Variants in DNMT3A observed in about 807,000 individuals in gnomAD.
DNMT3A encodes DNA methyltransferase 3 alpha.
A neutral mutation model predicts 117.6 loss-of-function variants in DNMT3A; 267 were observed. The observed-to-expected ratio is 2.27, with a 90% CI of 2.05 to 2.51. The LOEUF (loss-of-function observed/expected upper bound fraction) is 2.51. DNMT3A is among the 30% of genes most tolerant of loss of function. The pLI is 0.00. For synonymous variants in DNMT3A, 432 were observed against 474.8 expected, an observed-to-expected ratio of 0.91 and a Z score of 1.17; for missense variants, 1,029 against 1,260.2, an observed-to-expected ratio of 0.82 and a Z score of 2.78.
chr2:25,301,443 A>G (rs1180833321), intron 2 of DNMT3A, among the ~76,000 whole-genome samples: 2 of 152,146 alleles, frequency 1.3e-5, no homozygotes, highest in Non-Finnish European at 2.9e-5. Context: ...GGAGGATCTC[A>G]GGGACCGAAT....
chr2:25,302,692 G>GT (rs2033586291), intron 2 of DNMT3A, among the ~76,000 whole-genome samples: 1 of 152,218 alleles, frequency 6.6e-6, no homozygotes, highest in Non-Finnish European at 1.5e-5. Flanking sequence ...AGACCCCCGA[G>GT]TGTAAGAAAG....
chr2:25,253,602 C>T (rs927110888), intron 6 of DNMT3A, among the ~76,000 whole-genome samples: 5 of 152,144 alleles, frequency 3.3e-5, no homozygotes, highest in Admixed American at 3.3e-4. Context: ...TCAGGTGCGT[C>T]CTTGGGTATA....
chr2:25,280,445 C>G (rs1468415649), intron 4 of DNMT3A, among the ~76,000 whole-genome samples: 1 of 151,904 alleles, frequency 6.6e-6, no homozygotes, highest in Non-Finnish European at 1.5e-5. Flanking sequence ...TCCCTGGGTG[C>G]CCTGCTCCCT....
At position 25,304,364 on chromosome 2, in the gene DNMT3A, C is replaced by T. The variant is rs575400287; in HGVS notation, c.73-4121G>A. Among the ~76,000 whole-genome samples the T allele has an allele frequency of 1.1e-4, 17 of 152,296 alleles. No individual in the cohort carries two copies. The highest frequency in any genetic ancestry group is 1.5e-4 in the Non-Finnish European group (10 of 68,026). On this transcript the variant is annotated intron_variant, in intron 2 of 22. Coordinates refer to ENST00000321117, the MANE Select transcript of DNMT3A (RefSeq NM_022552.5). This position sits in a 1 kb window ranked among gnomAD's most constrained non-coding sequence, Gnocchi z 4.3. ...TGAGGTGATGTAGCAAAAGCTGACA[C>T]GTGATAGTCACTCGAGAACTGCTAC...
chr2:25,277,771 G>A (rs2031551270), intron 4 of DNMT3A, among the ~76,000 whole-genome samples: 1 of 152,040 alleles, frequency 6.6e-6, no homozygotes, highest in South Asian at 2.1e-4. Context: ...GAGACCTGGG[G>A]GGTGGAGTGA....
Position 25,252,278 on chromosome 2 carries a change from G to T in DNMT3A, c.640-4026C>A. ...GCTCTGGAAGTAGCTGCCCGTCTTGGGGGAGGGGAAGGGGGCGATGGGGCT... is the reference window on the plus strand; with the variant it reads ...GCTCTGGAAGTAGCTGCCCGTCTTGTGGGAGGGGAAGGGGGCGATGGGGCT... On this transcript the variant is annotated intron_variant, in intron 6 of 22. Coordinates refer to ENST00000321117, the MANE Select transcript of DNMT3A (RefSeq NM_022552.5). This position sits in a 1 kb window ranked among gnomAD's most constrained non-coding sequence, Gnocchi z 5.5. The T allele has an allele frequency of 2.0e-6, 3 of 1,468,580 alleles. No individual in the cohort carries two copies. The highest frequency in any genetic ancestry group is 2.6e-5 in the South Asian group (2 of 75,688). 91.0% of individuals were successfully genotyped at this position (1,468,580 alleles called of 1,614,324 possible).
chr2:25,255,857 C>T (rs749538138), intron 6 of DNMT3A, among the ~76,000 whole-genome samples: 2 of 152,108 alleles, frequency 1.3e-5, no homozygotes, highest in East Asian at 1.9e-4. Context: ...AGAATTGAGA[C>T]GAGACACTAG....
At chr2:25,330,733 G>A (rs938472240) in intron 1 of DNMT3A, among the ~76,000 whole-genome samples, 5 of 152,202 alleles carry the variant, frequency 3.3e-5, no homozygotes, top group Non-Finnish European at 5.9e-5. Context: ...ACTGGGTCCT[G>A]CAACATCCCC....
intron 1 of DNMT3A, 68 bp downstream of exon 1, chr2:25,341,758 G>GCCCGGCTC (rs1000780155): frequency 1.5e-4 from 142 of 939,586 alleles, no homozygotes; most frequent in Non-Finnish European, 1.6e-4. Flanking sequence ...GGCGCCCCCC[G>GCCCGGCTC]CCCGGCTCCC....
intron 1 of DNMT3A, among the ~76,000 whole-genome samples, chr2:25,317,039 C>T (rs1284012290): frequency 2.0e-5 from 3 of 152,174 alleles, no homozygotes; most frequent in South Asian, 2.1e-4. Flanking sequence ...ACCTTCTAAA[C>T]TCAATGCAAT....
chr2:25,239,852 G>A (rs1233062540), intron 19 of DNMT3A, among the ~76,000 whole-genome samples: 3 of 152,198 alleles, frequency 2.0e-5, no homozygotes, highest in Admixed American at 1.3e-4. Flanking sequence ...AGGGTTAAAC[G>A]GGGACTCACA....
chr2:25,307,229 G>A (rs1399377017), intron 2 of DNMT3A, among the ~76,000 whole-genome samples: 1 of 152,222 alleles, frequency 6.6e-6, no homozygotes, highest in Non-Finnish European at 1.5e-5. Context: ...TGCAGAGGCA[G>A]CTGCAGGGTA....
chr2:25,289,673 G>A (rs368943649), intron 3 of DNMT3A, among the ~76,000 whole-genome samples: 1 of 152,164 alleles, frequency 6.6e-6, no homozygotes, highest in African/African-American at 2.4e-5. Context: ...ATGCCCCCAG[G>A]GTTTGGAGAA....
intron 3 of DNMT3A, among the ~76,000 whole-genome samples, chr2:25,295,097 G>A (rs1352144019): frequency 1.3e-5 from 2 of 152,164 alleles, no homozygotes; most frequent in Admixed American, 1.3e-4. Flanking sequence ...GGCTCCAACC[G>A]GAACCACCCA....
Position 25,236,439 on chromosome 2 carries a change from G to A in DNMT3A, c.2478+497C>T, listed in dbSNP as rs1275981650. On this transcript the variant is annotated intron_variant, in intron 21 of 22. Transcript: ENST00000321117. This position sits in a 1 kb window ranked among gnomAD's most constrained non-coding sequence, Gnocchi z 4.5. ...CTTCCAAAGAATTAGTTCTTTCAGA[G>A]ATGGAGTAACTTGTAGGCTAAAGGA... Among the ~76,000 whole-genome samples the A allele has an allele frequency of 6.6e-6, 1 of 152,190 alleles. No individual in the cohort carries two copies. Among genetic ancestry groups the A allele is most frequent in the Non-Finnish European group, 1.5e-5 (1 of 68,036 alleles).
rs1382091447 is a variant in DNMT3A at position 25,259,956 on chromosome 2, A to G, written c.640-11704T>C. ...AGTCCTTTCCGGTCTTTCCCCCCCAACCCTGTTTGGAAACTGTTCCCTAGG... is the reference window on the plus strand; with the variant it reads ...AGTCCTTTCCGGTCTTTCCCCCCCAGCCCTGTTTGGAAACTGTTCCCTAGG... On this transcript the variant is annotated intron_variant, in intron 6 of 22. Coordinates refer to ENST00000321117, the MANE Select transcript of DNMT3A (RefSeq NM_022552.5). 6.6e-5 allele frequency among the ~76,000 whole-genome samples: 10 copies of G among 151,992 alleles called. No individual in the cohort carries two copies. The South Asian group carries it at 1.5e-3, about 22-fold the overall frequency.
At chr2:25,253,445 G>GT (rs1675831093) in intron 6 of DNMT3A, among the ~76,000 whole-genome samples, 1 of 152,180 alleles carries the variant, frequency 6.6e-6, no homozygotes, top group African/African-American at 2.4e-5. Flanking sequence ...TCAGTTCCAG[G>GT]TGAGCCGACT....
At chr2:25,261,539 G>T (rs181312293) in intron 6 of DNMT3A, among the ~76,000 whole-genome samples, 9 of 147,118 alleles carry the variant, frequency 6.1e-5, no homozygotes, top group Non-Finnish European at 3.0e-5. Flanking sequence ...CCCAGGAGGC[G>T]GAGGTTGAAG....
rs1384620875 is a variant in DNMT3A, at chr2:25,249,587, G to A, written c.640-1335C>T. On this transcript the variant is annotated intron_variant, in intron 6 of 22. Transcript: ENST00000321117. The stretch of plus-strand genomic sequence containing the variant: ...GCACTATAGACCAGGCGTGCTCTCT[G>A]CCATCCCACCAACAAATTAATAAGC... The A allele has an allele frequency of 2.5e-6, 4 of 1,569,342 alleles. No homozygotes were observed. In the Admixed American group the frequency reaches 6.7e-5, roughly 26 times the overall value.
Sources: gnomAD v4.1 joint callset for allele counts (sites outside exome capture counted in the v4.1 genomes callset) on GRCh38, gnomAD v4.1.1 for gene constraint, Gnocchi (gnomAD v3.1) non-coding constraint, MANE v1.5 for transcripts, NCBI Gene and HGNC (gene_info 2026-07-23, HGNC 2026-07-21) for gene names.